The following PIGQ variants were observed in gnomAD, a reference collection of about 807,000 sequenced individuals.
PIGQ encodes the protein phosphatidylinositol N-acetylglucosaminyltransferase subunit Q.
A neutral mutation model predicts 60.3 loss-of-function variants in PIGQ; 54 were observed. The ratio of observed to expected loss-of-function variants is 0.90; its 90% confidence interval spans 0.72 to 1.12. PIGQ has a LOEUF of 1.12. Among genes scored for constraint, PIGQ ranks in the 50% most tolerant of loss-of-function variants. The pLI is 0.00. For missense variants in PIGQ, 799 were observed against 793.5 expected, an observed-to-expected ratio of 1.01 and a Z score of -0.08; for synonymous variants, 416 against 363.7, an observed-to-expected ratio of 1.14 and a Z score of -1.64.
rs760734408 is a variant in PIGQ at position 574,222 on chromosome 16, G to T, written c.148G>T (p.Ala50Ser). ...FIPIQVKQLL[A>S]QVRQASQVGV... Reference sequence around the variant, plus strand: ...CCCCATCCAGGTCAAGCAGCTCCTGGCCCAGGTGCGGCAGGCCAGCCAGGT... The same window carrying T: ...CCCCATCCAGGTCAAGCAGCTCCTGTCCCAGGTGCGGCAGGCCAGCCAGGT... The change falls in exon 2 of 11, where the codon GCC becomes TCC. Residue 50 changes from alanine to serine, a missense_variant. Transcript: ENST00000321878. 35 of 1,611,588 alleles carry T rather than the reference G, an allele frequency of 2.2e-5. No individual in the cohort carries two copies. The African/African-American group carries it at 4.4e-4, about 20-fold the overall frequency.
intron 1 of PIGQ, among the ~76,000 whole-genome samples, chr16:572,779 G>A (rs371021478): frequency 6.6e-6 from 1 of 151,558 alleles, no homozygotes; most frequent in African/African-American, 2.4e-5. Context: ...CTGTTCCCTC[G>A]TCCCTAAGGA....
intron 1 of PIGQ, among the ~76,000 whole-genome samples, chr16:573,347 G>T (rs1488188643): frequency 6.6e-6 from 1 of 152,218 alleles, no homozygotes; most frequent in African/African-American, 2.4e-5. Flanking sequence ...GCCCTGCCCT[G>T]GGGTGGCTGT....
intron 1 of PIGQ, among the ~76,000 whole-genome samples, chr16:571,104 TGTGTCTGGCTAGCCTGGTGCCC>T (rs2035614392): frequency 3.2e-4 from 2 of 6,338 alleles, no homozygotes; most frequent in Admixed American, 1.7e-3. Flanking sequence ...TGTGTGTGTG[TGTGTCTGGCTAGCCTGGTGCCC>T]GTGTGTGTGT....
chr16:578,939 G>A lies in PIGQ; in HGVS notation c.1223+1G>A. The stretch of plus-strand genomic sequence containing the variant: ...ACTGCTTTTACGTCTATGGAGCCAG[G>A]TGGGCGTGGGCTTCCCCCTCCCCAC... On this transcript the variant is annotated splice_donor_variant, in intron 6 of 10. Transcript: ENST00000321878. LOFTEE classifies it high-confidence loss of function. The A allele has an allele frequency of 6.2e-7, 1 of 1,606,374 alleles. No individual in the cohort carries two copies. The highest frequency in any genetic ancestry group is 8.5e-7 in the Non-Finnish European group (1 of 1,177,698).
intron 10 of PIGQ, 170 bp from the exon 11 acceptor site, chr16:582,713 T>G (rs1156622166): frequency 9.3e-6 from 7 of 755,472 alleles, no homozygotes; most frequent in Non-Finnish European, 1.5e-5. Flanking sequence ...CGCTCCCTTC[T>G]GGCTGCAGGC....
intron 1 of PIGQ, chr16:572,566 A>T: frequency 2.3e-6 from 1 of 438,230 alleles, no homozygotes; most frequent in Non-Finnish European, 4.6e-6. Flanking sequence ...CTCGTCCCTA[A>T]GGATGTGGTG....
intron 1 of PIGQ, chr16:572,587 C>A (rs866778607): frequency 7.7e-5 from 35 of 452,536 alleles, no homozygotes; most frequent in African/African-American, 5.2e-4. Flanking sequence ...GGCTCTGAGA[C>A]CTCCAGGCAT....
chr16:578,733 G>A (rs1452990547), intron 5 of PIGQ, 52 bp from the exon 6 acceptor site: 1 of 1,589,144 alleles, frequency 6.3e-7, no homozygotes, highest in East Asian at 2.2e-5. Context: ...GGTTGTGCTG[G>A]GCCGAGGGCT....
At position 583,743 on chromosome 16, in the gene PIGQ, C is replaced by A. The variant is rs773060992; in HGVS notation, c.*708C>A. 7.7e-7 allele frequency: 1 copy of A among 1,304,362 alleles called. No individual in the cohort carries two copies. Among genetic ancestry groups the A allele is most frequent in the African/African-American group, 1.4e-5 (1 of 69,086 alleles). 80.8% of individuals were successfully genotyped at this position (1,304,362 alleles called of 1,614,324 possible). A position where few individuals can be genotyped will look rare whatever the true frequency, so the allele number is the denominator to read the frequency against. On this transcript the variant is annotated 3_prime_UTR_variant, in exon 11 of 11. Transcript: ENST00000321878. The stretch of plus-strand genomic sequence containing the variant: ...CAGCCGTACCTATTCGTCCACGGTG[C>A]CCCGTAGCAGCAGGTCCTGCGGCCA...
At chr16:580,126 G>A in intron 7 of PIGQ, 57 bp from the exon 8 acceptor site, 1 of 1,403,478 alleles carries the variant, frequency 7.1e-7, no homozygotes, top group Admixed American at 1.7e-5. Flanking sequence ...CACAGTGCTG[G>A]GCCGTCCCTG....
At chr16:580,710 A>C (rs1981484) in intron 8 of PIGQ, 148 bp from the exon 9 acceptor site, 1 of 662,500 alleles carries the variant, frequency 1.5e-6, no homozygotes, top group Non-Finnish European at 2.7e-6. Flanking sequence ...CCAATGGCAG[A>C]CTCCGTGCCC....
chr16:583,309 A>G lies in PIGQ; in HGVS notation c.*274A>G. The G allele has an allele frequency of 6.2e-7, 1 of 1,612,802 alleles. No individual in the cohort carries two copies. The highest frequency in any genetic ancestry group is 8.5e-7 in the Non-Finnish European group (1 of 1,179,932). On this transcript the variant is annotated 3_prime_UTR_variant, in exon 11 of 11. Coordinates refer to ENST00000321878, the MANE Select transcript of PIGQ (RefSeq NM_004204.5). ...TGCTGCGGTCACCATGGTGGCGAGC[A>G]CAGCAACCCCAGGTGTCCAGAGCAC...
chr16:575,192 G>T lies in PIGQ; in HGVS notation c.689+429G>T, dbSNP rs190993904. Among the ~76,000 whole-genome samples, 4 of 152,186 alleles carry T rather than the reference G, an allele frequency of 2.6e-5. No homozygotes were observed. In the South Asian group the frequency reaches 8.3e-4, roughly 31 times the overall value. On this transcript the variant is annotated intron_variant, in intron 2 of 10. Coordinates refer to ENST00000321878, the MANE Select transcript of PIGQ (RefSeq NM_004204.5). ...ACTGCAGCGCTCATGGGCTGTGGGGGTGTCATCCACTTGCTGGCCCCGTGT... is the reference window on the plus strand; with the variant it reads ...ACTGCAGCGCTCATGGGCTGTGGGGTTGTCATCCACTTGCTGGCCCCGTGT...
At chr16:579,216 G>A (rs1159583792) in intron 7 of PIGQ, 36 bp downstream of exon 7, 2 of 1,535,632 alleles carry the variant, frequency 1.3e-6, no homozygotes, top group Admixed American at 3.4e-5. Context: ...GGGGCTGACT[G>A]CCTCCGGCCT....
chr16:570,133 C>T (rs1016091714), intron 1 of PIGQ, 37 bp downstream of exon 1: 22 of 151,252 alleles, frequency 1.5e-4, no homozygotes, highest in African/African-American at 5.1e-4. Context: ...GGCGGGACCT[C>T]GGGCAGCGCC....
chr16:570,105 G>A lies in PIGQ; in HGVS notation c.-10+9G>A, dbSNP rs1020017000. The stretch of plus-strand genomic sequence containing the variant: ...GGCCCCGGAAGCACCCGGTGAGCAG[G>A]GGGGGTGGGCGGCGCGCGGCGGGAC... On this transcript the variant is annotated intron_variant, in intron 1 of 10. Transcript: ENST00000321878. 2 of 150,874 alleles carry A rather than the reference G, an allele frequency of 1.3e-5. No individual in the cohort carries two copies. Among genetic ancestry groups the A allele is most frequent in the Non-Finnish European group, 3.0e-5 (2 of 67,622 alleles). The allele number at this position is 150,874 out of a possible 1,614,324, so 9.3% of individuals were successfully genotyped here. A position where few individuals can be genotyped will look rare whatever the true frequency, so the allele number is the denominator to read the frequency against.
In PIGQ at chr16:578,810, C is replaced by G. The variant is rs773413031; in HGVS notation, c.1095C>G (p.Phe365Leu). The G allele has an allele frequency of 1.2e-6, 2 of 1,613,804 alleles. No homozygotes were observed. The highest frequency in any genetic ancestry group is 4.5e-5 in the East Asian group (2 of 44,880). ...WISYIHLMSP[F>L]VEHILWHVGL... Reference sequence around the variant, plus strand: ...GCTACATCCACCTCATGTCCCCCTTCGTGGAGCACATCCTTTGGCACGTGG... The same window carrying G: ...GCTACATCCACCTCATGTCCCCCTTGGTGGAGCACATCCTTTGGCACGTGG... The change falls in exon 6 of 11, where the codon TTC (phenylalanine) becomes TTG (leucine). Residue 365 changes from phenylalanine (F) to leucine (L), a missense_variant. Coordinates refer to ENST00000321878, the MANE Select transcript of PIGQ (RefSeq NM_004204.5).
chr16:582,377 G>A (rs1294847730), intron 10 of PIGQ, 68 bp downstream of exon 10: 3 of 1,208,254 alleles, frequency 2.5e-6, no homozygotes, highest in African/African-American at 3.0e-5. Context: ...GGGTCAGCTG[G>A]GTGTAGTGTC....
rs758619621 is a variant in PIGQ, at chr16:574,414, G to A, written c.340G>A (p.Ala114Thr). 1 of 1,610,796 alleles carries A rather than the reference G, an allele frequency of 6.2e-7. No individual in the cohort carries two copies. The highest frequency in any genetic ancestry group is 1.1e-5 in the South Asian group (1 of 90,658). The part of the protein sequence containing the change: ...FWSCEATHRQ[A>T]PTAPGAPGED... Reference sequence around the variant, plus strand: ...GAGCTGCGAGGCCACCCACCGGCAAGCGCCCACTGCCCCCGGTGCCCCTGG... The same window carrying A: ...GAGCTGCGAGGCCACCCACCGGCAAACGCCCACTGCCCCCGGTGCCCCTGG... The change falls in exon 2 of 11, where the codon GCG becomes ACG. Residue 114 changes from alanine to threonine, a missense_variant. Coordinates refer to ENST00000321878, the MANE Select transcript of PIGQ (RefSeq NM_004204.5).
Sources: allele counts gnomAD v4.1 joint callset (sites outside exome capture counted in the v4.1 genomes callset), GRCh38; gene constraint gnomAD v4.1.1; transcripts MANE v1.5; gene names NCBI Gene and HGNC (gene_info 2026-07-23, HGNC 2026-07-21).